The following OSBPL10 variants were observed in gnomAD, a reference collection of about 807,000 sequenced individuals.
The protein encoded by OSBPL10 is oxysterol-binding protein-related protein 10.
A neutral mutation model predicts 81.7 loss-of-function variants in OSBPL10; 49 were observed. The observed-to-expected ratio is 0.60, with a 90% CI of 0.48 to 0.76. The LOEUF (loss-of-function observed/expected upper bound fraction) is 0.76. Ranked by LOEUF, OSBPL10 falls within the 30% of genes least tolerant of loss-of-function variation. The pLI, the probability that OSBPL10 is intolerant of heterozygous loss-of-function variation, is 0.00. For missense variants in OSBPL10, 923 were observed against 987.8 expected, an observed-to-expected ratio of 0.93 and a Z score of 0.88; for synonymous variants, 419 against 383.6, an observed-to-expected ratio of 1.09 and a Z score of -1.08.
chr3:31,831,722 T>C (rs9880436), intron 3 of OSBPL10, among the ~76,000 whole-genome samples: 68,894 of 151,982 alleles, frequency 0.45, 16,069 homozygotes, highest in Admixed American at 0.56. Context: ...TGGCAAAAAT[T>C]CAAAAGTCTG....
At chr3:32,014,474 C>T (rs1352106347) in intron 2 of OSBPL10, among the ~76,000 whole-genome samples, 7 of 152,266 alleles carry the variant, frequency 4.6e-5, no homozygotes, top group African/African-American at 1.7e-4. Flanking sequence ...CTATGACAAA[C>T]CCACAGCCAA....
chr3:32,030,588 G>T, intron 2 of OSBPL10: 1 of 1,026,862 alleles, frequency 9.7e-7, no homozygotes, highest in Non-Finnish European at 1.5e-6. Context: ...TGAAGCGCCC[G>T]CCTGCTCCAC....
intron 1 of OSBPL10, among the ~76,000 whole-genome samples, chr3:31,973,359 C>T (rs1034857049): frequency 6.6e-6 from 1 of 152,150 alleles, no homozygotes; most frequent in Non-Finnish European, 1.5e-5. Context: ...AAGTGACCAC[C>T]AATGCAACCC....
rs138051294 is a variant in OSBPL10 at position 31,871,144 on chromosome 3, G to A, written c.537+5289C>T. Reference sequence around the variant, plus strand: ...CCCGTCCCCTTCTGCACTGTAGAAGGTTTGTTCTTTCGCTCTTTGCAATAA... The same window carrying A: ...CCCGTCCCCTTCTGCACTGTAGAAGATTTGTTCTTTCGCTCTTTGCAATAA... On this transcript the variant is annotated intron_variant, in intron 3 of 11. Coordinates refer to ENST00000396556, the MANE Select transcript of OSBPL10 (RefSeq NM_017784.5). Among the ~76,000 whole-genome samples, 721 of 152,282 alleles carry A rather than the reference G, an allele frequency of 4.7e-3. 2 individuals are homozygous for A. The highest frequency in any genetic ancestry group is 7.8e-3 in the Non-Finnish European group (531 of 68,030).
chr3:32,025,390 G>A (rs1262235620), intron 2 of OSBPL10, among the ~76,000 whole-genome samples: 3 of 151,974 alleles, frequency 2.0e-5, no homozygotes. Context: ...CTTTTTTTAT[G>A]TTGCTGACCT....
rs555756093 is a variant in OSBPL10 at position 31,990,280 on chromosome 3, A to G, written n.298+56211T>C. 3 of 1,614,100 alleles carry G rather than the reference A, an allele frequency of 1.9e-6. No homozygotes were observed. In the Admixed American group the frequency reaches 5.0e-5, roughly 27 times the overall value. ...TGGTATAGGGAAACTTTATAAATGT[A>G]ATGATTGTCACAAAGTCTTCAGTAA... On this transcript the variant is annotated intron_variant and non_coding_transcript_variant, in intron 2 of 3. Coordinates refer to the OSBPL10 transcript ENST00000479173.
intron 2 of OSBPL10, among the ~76,000 whole-genome samples, chr3:32,021,184 C>A (rs563257867): frequency 6.6e-6 from 1 of 152,306 alleles, no homozygotes; most frequent in South Asian, 2.1e-4. Context: ...TGGGTTAAGA[C>A]CTCAATATAT....
intron 3 of OSBPL10, among the ~76,000 whole-genome samples, chr3:31,831,853 T>C (rs1700251289): frequency 6.6e-6 from 1 of 152,176 alleles, no homozygotes; most frequent in African/African-American, 2.4e-5. Context: ...TCCCCCTGGC[T>C]CCAGCAATCC....
chr3:31,935,694 T>C (rs1049388906), intron 1 of OSBPL10, among the ~76,000 whole-genome samples: 1 of 151,986 alleles, frequency 6.6e-6, no homozygotes, highest in Non-Finnish European at 1.5e-5. Context: ...CGGCTAATTT[T>C]TGTATTTTTA....
intron 4 of OSBPL10, among the ~76,000 whole-genome samples, chr3:31,802,755 A>G (rs1267101766): frequency 6.6e-6 from 1 of 152,010 alleles, no homozygotes; most frequent in Admixed American, 6.6e-5. Flanking sequence ...TCCTGAATAA[A>G]AGTGAAATCC....
intron 3 of OSBPL10, among the ~76,000 whole-genome samples, chr3:31,836,866 CTTTCT>C (rs1700367926): frequency 6.6e-6 from 1 of 152,144 alleles, no homozygotes; most frequent in Admixed American, 6.5e-5. Context: ...GAAAAATTGT[CTTTCT>C]GCTGACAAAG....
At chr3:31,689,522 A>G (rs1311306123) in intron 7 of OSBPL10, among the ~76,000 whole-genome samples, 2 of 152,250 alleles carry the variant, frequency 1.3e-5, no homozygotes, top group African/African-American at 4.8e-5. Flanking sequence ...AAATAAACAT[A>G]CATGTATGAT....
chr3:31,662,525 T>C, intron 11 of OSBPL10: 1 of 1,008,820 alleles, frequency 9.9e-7, no homozygotes, highest in Non-Finnish European at 1.2e-6. Flanking sequence ...ACAAAGGCTC[T>C]CTCCAGCAGG....
Position 31,664,216 on chromosome 3 carries a change from C to T in OSBPL10, c.2113G>A (p.Val705Met). The T allele has an allele frequency of 6.2e-7, 1 of 1,612,548 alleles. No individual in the cohort carries two copies. Among genetic ancestry groups the T allele is most frequent in the Non-Finnish European group, 8.5e-7 (1 of 1,180,022 alleles). Residue 705 changes from valine (V) to methionine (M), a missense_variant, in exon 11 of 12, where the codon GTG becomes ATG. Physicochemically the swap from Val to Met is conservative, Grantham distance 21 (BLOSUM62 1). This residue lies in a region of OSBPL10 where 387 missense variants were observed against 436.3 expected (regional missense o/e 0.89). Coordinates refer to ENST00000396556, the MANE Select transcript of OSBPL10 (RefSeq NM_017784.5). ...PMESRNLWRE[V>M]TRYLRLGDID... ...TCCCCCAGCCGCAGGTATCGGGTCA[C>T]CTCCCGCCAGAGGTTCCTGGGGATG...
chr3:31,722,785 C>T (rs1696687665), intron 6 of OSBPL10, among the ~76,000 whole-genome samples: 1 of 152,014 alleles, frequency 6.6e-6, no homozygotes, highest in South Asian at 2.1e-4. Flanking sequence ...CTGGGGGTTT[C>T]CAGGGTAACC....
At chr3:31,965,618 T>A (rs1399341727) in intron 1 of OSBPL10, among the ~76,000 whole-genome samples, 1 of 78,164 alleles carries the variant, frequency 1.3e-5, no homozygotes, top group South Asian at 3.5e-4. Context: ...ATTATATAAA[T>A]TATATATTAT....
intron 2 of OSBPL10, among the ~76,000 whole-genome samples, chr3:32,027,233 T>A (rs1037421485): frequency 6.6e-6 from 1 of 152,110 alleles, no homozygotes; most frequent in African/African-American, 2.4e-5. Context: ...CCTGTGTCCA[T>A]GTGTTCTCAC....
intron 3 of OSBPL10, among the ~76,000 whole-genome samples, chr3:31,870,154 T>C (rs1317121818): frequency 6.6e-6 from 1 of 152,238 alleles, no homozygotes; most frequent in African/African-American, 2.4e-5. Context: ...GGCTGCGCAC[T>C]GCGCTTGCGG....
At chr3:32,021,934 C>G (rs1196425248) in intron 2 of OSBPL10, among the ~76,000 whole-genome samples, 1 of 149,310 alleles carries the variant, frequency 6.7e-6, no homozygotes, top group East Asian at 2.0e-4. Flanking sequence ...GAGTCATGGT[C>G]GTGCTACTGC....
Sources: allele counts gnomAD v4.1 joint callset (sites outside exome capture counted in the v4.1 genomes callset), GRCh38; gene constraint gnomAD v4.1.1; regional missense constraint gnomAD v4.1.1; transcripts MANE v1.5; gene names NCBI Gene and HGNC (gene_info 2026-07-23, HGNC 2026-07-21).